The following PAGE5 variants were observed in gnomAD, a reference collection of about 807,000 sequenced individuals.
PAGE5 encodes the protein P antigen family member 5.
Under a neutral mutation model 8.1 loss-of-function variants are expected in PAGE5, and 8 were observed. The ratio of observed to expected loss-of-function variants is 0.98; its 90% CI spans 0.58 to 1.77. The LOEUF is 1.77. Ranked by LOEUF, PAGE5 falls within the 40% of genes most tolerant of loss-of-function variation. The probability of loss-of-function intolerance (pLI) is 0.00; values close to 1 mark genes in which losing one functional copy is unlikely to be tolerated. For synonymous variants in PAGE5, 30 were observed against 27.0 expected (o/e 1.11, Z -0.35); for missense variants, 64 against 77.6 (o/e 0.82, Z 0.66).
chrX:55,222,230 C>T (rs187762415), intron 3 of PAGE5, among the ~76,000 whole-genome samples: 45 of 112,029 alleles, frequency 4.0e-4, no homozygotes, highest in African/African-American at 1.4e-3. Context: ...CTGCCATCTG[C>T]GGACATCTCT....
intron 1 of PAGE5, 62 bp downstream of exon 1, chrX:55,220,514 C>A (rs1276842890): frequency 5.8e-5 from 55 of 947,225 alleles, no homozygotes; most frequent in Non-Finnish European, 8.2e-5. Context: ...GAGGAGCCAG[C>A]GGGCTTAGGA....
chrX:55,222,480 T>C (rs1181688632), intron 3 of PAGE5, 141 bp from the exon 4 acceptor site: 4 of 708,078 alleles, frequency 5.6e-6, no homozygotes, highest in African/African-American at 2.1e-5. Flanking sequence ...TGAACATTTC[T>C]GCTTTCCTGC....
intron 1 of PAGE5, 151 bp downstream of exon 1, chrX:55,220,603 C>G: frequency 8.3e-7 from 1 of 1,198,621 alleles, no homozygotes; most frequent in Non-Finnish European, 1.1e-6. Context: ...GGTCCTGATG[C>G]AGGCGCCATG....
At chrX:55,221,663 A>G in intron 2 of PAGE5, 104 bp from the exon 3 acceptor site, 9 of 931,086 alleles carry the variant, frequency 9.7e-6, no homozygotes, top group Non-Finnish European at 1.4e-5. Context: ...CTCTCTATAT[A>G]TATATCTATT....
rs775563140 is a variant in PAGE5 at position 55,221,781 on chromosome X, T to A, written c.96T>A (p.Thr32=). ...PVGPVIVQQP[T]EEKRQEEEPP... ...TACACCCTTAGGTCCAGCAGCCCAC[T>A]GAGGAAAAACGTCAAGAAGAGGAAC... The change falls in exon 3 of 5, where the codon ACT becomes ACA. Residue 32 remains threonine (T), a synonymous_variant. Coordinates refer to ENST00000374955, the MANE Select transcript of PAGE5 (RefSeq NM_001013435.3). 132 of 1,207,753 alleles carry A rather than the reference T, an allele frequency of 1.1e-4. No individual in the cohort carries two copies. The highest frequency in any genetic ancestry group is 1.3e-4 in the Non-Finnish European group (118 of 894,415).
chrX:55,223,184 T>A (rs1437614667), intron 4 of PAGE5, among the ~76,000 whole-genome samples: 3 of 112,613 alleles, frequency 2.7e-5, no homozygotes, highest in African/African-American at 9.7e-5. Flanking sequence ...ATATATATGA[T>A]TTCATGTGTC....
In PAGE5 at chrX:55,221,722, T is replaced by C. The variant is rs770143069; in HGVS notation, c.82-45T>C. 1.7e-4 allele frequency: 197 copies of C among 1,149,056 alleles called. 1 individual carries two copies. Among genetic ancestry groups the C allele is most frequent in the Middle Eastern group, 2.4e-4 (1 of 4,230 alleles). The allele number at this position is 1,149,056 out of a possible 1,213,427, so 94.7% of individuals were successfully genotyped here. The stretch of plus-strand genomic sequence containing the variant: ...TTCGATGCACATATGCATTTGTGTG[T>C]TTATATTATTGACTTTTTATTCGCA... On this transcript the variant is annotated intron_variant, in intron 2 of 4. Transcript: ENST00000374955.
At chrX:55,223,106 A>G (rs749936898) in intron 4 of PAGE5, among the ~76,000 whole-genome samples, 2 of 112,569 alleles carry the variant, frequency 1.8e-5, no homozygotes, top group Middle Eastern at 4.2e-3. Context: ...GAAATAATGC[A>G]TATATTAATT....
intron 1 of PAGE5, 120 bp downstream of exon 1, chrX:55,220,572 G>A (rs1378464674): frequency 4.2e-6 from 5 of 1,182,519 alleles, no homozygotes; most frequent in Non-Finnish European, 3.4e-6. Context: ...GGGCCTCGCG[G>A]TGGTCCTCCG....
In PAGE5 at chrX:55,221,833, C is replaced by T; in HGVS notation, c.148C>T (p.Pro50Ser). ...EPPTDNQGIA[P>S]SGEIKNEGAP... Reference sequence around the variant, plus strand: ...ACCAACTGATAATCAGGGTATTGCACCTAGTGGGGAGATCAAAAATGAAGG... The same window carrying T: ...ACCAACTGATAATCAGGGTATTGCATCTAGTGGGGAGATCAAAAATGAAGG... Residue 50 changes from proline (P) to serine (S), a missense_variant, in exon 3 of 5, where the codon CCT becomes TCT. Physicochemically the swap from Pro to Ser is moderately conservative, Grantham distance 74. Transcript: ENST00000374955. 4 of 1,208,949 alleles carry T rather than the reference C, an allele frequency of 3.3e-6. No homozygotes were observed. Among genetic ancestry groups the T allele is most frequent in the Non-Finnish European group, 3.4e-6 (3 of 894,306 alleles).
At chrX:55,223,336 G>A (rs1937917490) in intron 4 of PAGE5, among the ~76,000 whole-genome samples, 2 of 112,151 alleles carry the variant, frequency 1.8e-5, no homozygotes, top group Admixed American at 1.9e-4. Context: ...ATCAGTTTAT[G>A]TTGTAATGTT....
chrX:55,222,529 G>A, intron 3 of PAGE5, 92 bp from the exon 4 acceptor site: 1 of 997,408 alleles, frequency 1.0e-6, no homozygotes. Flanking sequence ...TAGCCTACAG[G>A]TTTTTATTTC....
At position 55,222,558 on chromosome X, in the gene PAGE5, ATAT is replaced by A. The variant is rs1937906655; in HGVS notation, c.191-57_191-55del. The A allele has an allele frequency of 3.7e-6, 4 of 1,081,220 alleles. No individual in the cohort carries two copies. The Admixed American group carries it at 6.7e-5, about 18-fold the overall frequency. 89.1% of individuals were successfully genotyped at this position (1,081,220 alleles called of 1,213,427 possible). Reference sequence around the variant, plus strand: ...TTATTTCACAATGATGAGGGAATAAATATTATTACCTCGTTCATAGTTCATATT... The same window carrying A: ...TTATTTCACAATGATGAGGGAATAAATATTACCTCGTTCATAGTTCATATT... On this transcript the variant is annotated intron_variant, in intron 3 of 4. Coordinates refer to ENST00000374955, the MANE Select transcript of PAGE5 (RefSeq NM_001013435.3).
chrX:55,220,697 G>C, intron 1 of PAGE5: 1 of 1,142,937 alleles, frequency 8.7e-7, no homozygotes, highest in South Asian at 2.0e-5. Context: ...TGCGAGTCCT[G>C]GGGGTGGGTG....
chrX:55,222,802 T>G, intron 4 of PAGE5, 56 bp downstream of exon 4: 1 of 1,136,089 alleles, frequency 8.8e-7, no homozygotes, highest in Non-Finnish European at 1.2e-6. Flanking sequence ...AATATTGTAT[T>G]TTGTGTGACA....
intron 1 of PAGE5, 131 bp from the exon 2 acceptor site, chrX:55,221,244 A>G: frequency 1.7e-6 from 1 of 598,742 alleles, no homozygotes; most frequent in East Asian, 3.7e-5. Flanking sequence ...CGTACTTATC[A>G]ATGCTCTGTG....
chrX:55,222,701 G>C lies in PAGE5; in HGVS notation c.271G>C (p.Glu91Gln), dbSNP rs1364629248. ...DAPGDGPDVR[E>Q]GTLPTFDPTK... ...ACCTGGAGATGGTCCTGATGTCAGG[G>C]AGGGGACTCTGCCCACTTTTGATCC... The change falls in exon 4 of 5, where the codon GAG becomes CAG. Residue 91 changes from glutamate (E) to glutamine (Q), a missense_variant. Coordinates refer to ENST00000374955, the MANE Select transcript of PAGE5 (RefSeq NM_001013435.3). The C allele has an allele frequency of 8.3e-7, 1 of 1,208,978 alleles. No homozygotes were observed. The highest frequency in any genetic ancestry group is 1.7e-5 in the African/African-American group (1 of 57,257).
intron 1 of PAGE5, among the ~76,000 whole-genome samples, chrX:55,220,815 G>A (rs186138456): frequency 4.5e-5 from 5 of 111,205 alleles, no homozygotes; most frequent in Admixed American, 1.9e-4. Context: ...TGGTAAGGAA[G>A]GGGCCAGGAA....
At chrX:55,222,856 A>G (rs1000290960) in intron 4 of PAGE5, 110 bp downstream of exon 4, 9 of 969,268 alleles carry the variant, frequency 9.3e-6, no homozygotes, top group Non-Finnish European at 1.3e-5. Flanking sequence ...CTTCACATCT[A>G]AAGATTCTTT....
Sources: allele counts gnomAD v4.1 joint callset (sites outside exome capture counted in the v4.1 genomes callset), GRCh38; gene constraint gnomAD v4.1.1; transcripts MANE v1.5; gene names NCBI Gene and HGNC (gene_info 2026-07-23, HGNC 2026-07-21).